The following MCMBP variants were observed in gnomAD, a reference collection of about 807,000 sequenced individuals.
MCMBP encodes minichromosome maintenance complex binding protein.
A neutral mutation model predicts 81.3 loss-of-function variants in MCMBP; 31 were observed. The observed-to-expected ratio is 0.38, with a 90% CI of 0.29 to 0.51. The LOEUF is 0.51. MCMBP is among the 20% of genes least tolerant of loss of function. MCMBP has a pLI of 0.87. For synonymous variants in MCMBP, 267 were observed against 275.9 expected (o/e 0.97, Z 0.32); for missense variants, 645 against 772.1 (o/e 0.84, Z 1.95).
chr10:119,842,273 G>A (rs1852459177), intron 10 of MCMBP, among the ~76,000 whole-genome samples, 199 bp downstream of exon 10: 1 of 151,128 alleles, frequency 6.6e-6, no homozygotes, highest in Non-Finnish European at 1.5e-5. Flanking sequence ...AATTTAAGGG[G>A]ACATAATCAA....
intron 10 of MCMBP, among the ~76,000 whole-genome samples, chr10:119,841,550 A>G (rs577504265): frequency 1.6e-4 from 25 of 152,388 alleles, no homozygotes; most frequent in Non-Finnish European, 3.2e-4. Flanking sequence ...AATGTTTAAT[A>G]TATATCAACT....
chr10:119,836,991 A>C lies in MCMBP; in HGVS notation c.1447T>G (p.Trp483Gly). 6.2e-7 allele frequency: 1 copy of C among 1,613,790 alleles called. No individual in the cohort carries two copies. The highest frequency in any genetic ancestry group is 8.5e-7 in the Non-Finnish European group (1 of 1,179,844). Residue 483 changes from tryptophan to glycine, a missense_variant, in exon 13 of 16, where the codon TGG becomes GGG. Physicochemically the swap from Trp to Gly is radical, Grantham distance 184. Coordinates refer to ENST00000369077, the MANE Select transcript of MCMBP (RefSeq NM_001256378.2). ...CTGAAGTCATAATCCACCTTCTGCC[A>C]CGTTATGAGGTTGCTCAGGGCTGTC... ...NVTALSNLIT[W>G]QKVDYDFSYH...
chr10:119,832,204 C>T, intron 14 of MCMBP, 104 bp from the exon 15 acceptor site: 3 of 892,218 alleles, frequency 3.4e-6, no homozygotes, highest in Non-Finnish European at 5.0e-6. Context: ...GCCTCTTAGA[C>T]AAAGGAGGCA....
rs79599682 is a variant in MCMBP at position 119,872,527 on chromosome 10, C to G, written c.58G>C (p.Ala20Pro). 2 of 1,196,246 alleles carry G rather than the reference C, an allele frequency of 1.7e-6. No homozygotes were observed. The highest frequency in any genetic ancestry group is 2.1e-6 in the Non-Finnish European group (2 of 958,548). 74.1% of individuals were successfully genotyped at this position (1,196,246 alleles called of 1,614,324 possible). A position where few individuals can be genotyped will look rare whatever the true frequency, so the allele number is the denominator to read the frequency against. The change falls in exon 1 of 16, where the codon GCC (alanine) becomes CCC (proline). Residue 20 changes from alanine to proline, a missense_variant and splice_region_variant. Transcript: ENST00000369077. ...HPLGIVQGFF[A>P]QNGVNPDWEK... Reference sequence around the variant, plus strand: ...CCCGCCCCCCGGCGCCGCCACTCACCGAAGAATCCCTGCACGATTCCCAGC... The same window carrying G: ...CCCGCCCCCCGGCGCCGCCACTCACGGAAGAATCCCTGCACGATTCCCAGC...
intron 14 of MCMBP, among the ~76,000 whole-genome samples, chr10:119,834,859 C>CT (rs1852181674): frequency 2.5e-5 from 1 of 40,616 alleles, no homozygotes; most frequent in South Asian, 1.1e-3. Flanking sequence ...GAGACCCTGT[C>CT]TCAAAAAAAA....
At chr10:119,855,207 T>C (rs1170960987) in intron 5 of MCMBP, among the ~76,000 whole-genome samples, 1 of 151,896 alleles carries the variant, frequency 6.6e-6, no homozygotes, top group East Asian at 1.9e-4. Context: ...AAAGAAGAAA[T>C]CACAAGGGAA....
Position 119,829,945 on chromosome 10 carries a change from A to T in MCMBP, c.*1529T>A, listed in dbSNP as rs1851940859. On this transcript the variant is annotated 3_prime_UTR_variant, in exon 16 of 16. Transcript: ENST00000369077. ...TAATGTACTTTGCTCTAGGACAATT[A>T]AAGAAAATGTATTTTATCCTCACAA... 6.6e-6 allele frequency: 1 copy of T among 152,642 alleles called. No homozygotes were observed. The highest frequency in any genetic ancestry group is 1.5e-5 in the Non-Finnish European group (1 of 68,042). The allele number at this position is 152,642 out of a possible 1,614,324, so 9.5% of individuals were successfully genotyped here.
At chr10:119,851,060 A>T (rs1243993037) in intron 6 of MCMBP, among the ~76,000 whole-genome samples, 1 of 151,696 alleles carries the variant, frequency 6.6e-6, no homozygotes, top group Non-Finnish European at 1.5e-5. Flanking sequence ...TTTAGTAGAG[A>T]TGGGGTTTCA....
intron 1 of MCMBP, among the ~76,000 whole-genome samples, chr10:119,869,701 A>T (rs1695406870): frequency 6.6e-6 from 1 of 152,210 alleles, no homozygotes; most frequent in Admixed American, 6.5e-5. Flanking sequence ...GTTGCACTCC[A>T]GCCTGGGTGA....
At chr10:119,869,343 G>A (rs1043599289) in intron 1 of MCMBP, among the ~76,000 whole-genome samples, 7 of 152,210 alleles carry the variant, frequency 4.6e-5, no homozygotes, top group Non-Finnish European at 8.8e-5. Context: ...GGAGGCCAAG[G>A]TGGGCGGATC....
Position 119,853,058 on chromosome 10 carries a change from C to G in MCMBP, c.566G>C (p.Arg189Thr). 6.2e-7 allele frequency: 1 copy of G among 1,614,098 alleles called. No individual in the cohort carries two copies. The highest frequency in any genetic ancestry group is 8.5e-7 in the Non-Finnish European group (1 of 1,179,972). The change falls in exon 6 of 16, where the codon AGA becomes ACA. Residue 189 changes from arginine to threonine, a missense_variant. Arg to Thr is a moderately conservative substitution (Grantham distance 71, BLOSUM62 -1). Transcript: ENST00000369077. ...CTGTTGGCACACACTACCTGCTTGT[C>G]TGGCACCTGCATGTTGGTCTTTCTG... ...NKQKDQHAGA[R>T]QAGSVGGLQW...
rs774580575 is a variant in MCMBP at position 119,832,112 on chromosome 10, G to A, written c.1708-12C>T. The A allele has an allele frequency of 1.2e-6, 2 of 1,607,868 alleles. No individual in the cohort carries two copies. Among genetic ancestry groups the A allele is most frequent in the East Asian group, 2.2e-5 (1 of 44,798 alleles). ...TCATCTTCAACTGCCTTTATCAAAA[G>A]AGTAAATGTAAATGATGTGCATTTT... On this transcript the variant is annotated splice_polypyrimidine_tract_variant and intron_variant, in intron 14 of 15. Transcript: ENST00000369077.
chr10:119,859,115 T>C lies in MCMBP; in HGVS notation c.211A>G (p.Met71Val). Residue 71 changes from methionine (M) to valine (V), a missense_variant, in exon 3 of 16, where the codon ATG (methionine) becomes GTG (valine). Met to Val is a conservative substitution (Grantham distance 21). Transcript: ENST00000369077. ...TCAGGGTCAAACATATCCTGAATCATGCAACGAAATTTCACAAAACTATTA... is the reference window on the plus strand; with the variant it reads ...TCAGGGTCAAACATATCCTGAATCACGCAACGAAATTTCACAAAACTATTA... ...KPNSFVKFRC[M>V]IQDMFDPEFY... is the part of the protein sequence containing the mutation. 1 of 1,614,038 alleles carries C rather than the reference T, an allele frequency of 6.2e-7. No homozygotes were observed. The highest frequency in any genetic ancestry group is 8.5e-7 in the Non-Finnish European group (1 of 1,179,940).
Position 119,853,056 on chromosome 10 carries a change from G to C in MCMBP, c.568C>G (p.Gln190Glu), listed in dbSNP as rs202037533. The C allele has an allele frequency of 3.7e-6, 6 of 1,614,118 alleles. No individual in the cohort carries two copies. The African/African-American group carries it at 8.0e-5, about 22-fold the overall frequency. Residue 190 changes from glutamine (Q) to glutamate (E), a missense_variant, in exon 6 of 16, where the codon CAA becomes GAA. Gln to Glu is a conservative substitution (Grantham distance 29). Coordinates refer to ENST00000369077, the MANE Select transcript of MCMBP (RefSeq NM_001256378.2). ...KQKDQHAGAR[Q>E]AGSVGGLQWC... ...ACCTGTTGGCACACACTACCTGCTTGTCTGGCACCTGCATGTTGGTCTTTC... is the reference window on the plus strand; with the variant it reads ...ACCTGTTGGCACACACTACCTGCTTCTCTGGCACCTGCATGTTGGTCTTTC...
chr10:119,867,292 CAAAAAAAAAAAA>C (rs372338008), intron 1 of MCMBP, among the ~76,000 whole-genome samples: 7 of 48,716 alleles, frequency 1.4e-4, no homozygotes, highest in South Asian at 1.7e-3. Context: ...GACTCCATCT[CAAAAAAAAAAAA>C]AAAAAAAAAA....
intron 5 of MCMBP, 49 bp from the exon 6 acceptor site, chr10:119,853,243 A>G (rs1362127191): frequency 2.6e-6 from 4 of 1,553,652 alleles, no homozygotes; most frequent in African/African-American, 1.4e-5. Flanking sequence ...GGAATATCCT[A>G]AAGTTTTGCT....
At chr10:119,860,897 T>C (rs1439184823) in intron 1 of MCMBP, among the ~76,000 whole-genome samples, 2 of 152,240 alleles carry the variant, frequency 1.3e-5, no homozygotes, top group South Asian at 2.1e-4. Flanking sequence ...CTTCCCTTCA[T>C]TGGTGATGTT....
At chr10:119,872,454 G>A in intron 1 of MCMBP, 73 bp downstream of exon 1, 1 of 946,810 alleles carries the variant, frequency 1.1e-6, no homozygotes, top group Non-Finnish European at 1.3e-6. Flanking sequence ...TGGGGGCCGC[G>A]CGGCGGGGCC....
At position 119,837,172 on chromosome 10, in the gene MCMBP, G is replaced by A. The variant is rs370110204; in HGVS notation, c.1409-143C>T. ...CGCTGTCCAGTTTACTAAGCTAAAC[G>A]TCACTAAGTGTGTAGGCTTACAACA... On this transcript the variant is annotated intron_variant, in intron 12 of 15. Coordinates refer to ENST00000369077, the MANE Select transcript of MCMBP (RefSeq NM_001256378.2). 5.1e-5 allele frequency: 40 copies of A among 778,714 alleles called. No individual in the cohort carries two copies. In the East Asian group the frequency reaches 8.6e-4, roughly 17 times the overall value. 48.2% of individuals were successfully genotyped at this position (778,714 alleles called of 1,614,324 possible). A position where few individuals can be genotyped will look rare whatever the true frequency, so the allele number is the denominator to read the frequency against.
Sources: allele counts gnomAD v4.1 joint callset (sites outside exome capture counted in the v4.1 genomes callset), GRCh38; gene constraint gnomAD v4.1.1; transcripts MANE v1.5; gene names NCBI Gene and HGNC (gene_info 2026-07-23, HGNC 2026-07-21).